CECR2: variants seen among roughly 807,000 people sequenced by gnomAD.
CECR2 encodes chromatin remodeling regulator CECR2.
A neutral mutation model predicts 154.5 loss-of-function variants in CECR2; 30 were observed. That is an observed-to-expected ratio of 0.19 (90% confidence interval 0.15 to 0.26). CECR2 has a LOEUF of 0.26. Among genes scored for constraint, CECR2 ranks in the 10% least tolerant of loss-of-function variants. The pLI is 1.00. For synonymous variants in CECR2, 725 were observed against 683.7 expected (o/e 1.06, Z -0.94); for missense variants, 1,743 against 1,829.3 (o/e 0.95, Z 0.86).
chr22:17,497,700 C>G (rs1325431663), intron 3 of CECR2, 114 bp downstream of exon 3: 28 of 985,074 alleles, frequency 2.8e-5, no homozygotes, highest in Non-Finnish European at 3.9e-5. Context: ...TGGTACTAGT[C>G]TTGGTACTAT....
intron 1 of CECR2, among the ~76,000 whole-genome samples, chr22:17,360,192 C>T (rs1392035905): frequency 6.6e-6 from 1 of 152,228 alleles, no homozygotes; most frequent in Non-Finnish European, 1.5e-5. Flanking sequence ...TAAACATAAT[C>T]TTAAAATGCG....
intron 10 of CECR2, 99 bp downstream of exon 10, chr22:17,537,331 GGTA>G (rs2056452771): frequency 7.2e-7 from 1 of 1,388,550 alleles, no homozygotes; most frequent in Non-Finnish European, 1.0e-6. Context: ...AGCCCTGTTG[GGTA>G]ACATGGTCAC....
At chr22:17,387,189 A>C (rs1015507924) in intron 1 of CECR2, among the ~76,000 whole-genome samples, 1 of 152,226 alleles carries the variant, frequency 6.6e-6, no homozygotes, top group Non-Finnish European at 1.5e-5. Context: ...TTACAGCTCA[A>C]CAGAAAGCCT....
In CECR2 at chr22:17,542,363, G is replaced by T. The variant is rs41277562; in HGVS notation, c.2220G>T (p.Gly740=). The change falls in exon 16 of 19, where the codon GGG becomes GGT. Residue 740 remains glycine (G), a synonymous_variant. Coordinates refer to ENST00000262608, the MANE Select transcript of CECR2 (RefSeq NM_001290047.2). Reference sequence around the variant, plus strand: ...GATTCATTCCTCCCCGGCATGGGGGGGCTCCAGCCCGGCCACCAGACTTTC... The same window carrying T: ...GATTCATTCCTCCCCGGCATGGGGGTGCTCCAGCCCGGCCACCAGACTTTC... ...QPGFIPPRHG[G]APARPPDFPE... The T allele has an allele frequency of 6.4e-4, 1,032 of 1,613,808 alleles. 3 individuals are homozygous for T. The highest frequency in any genetic ancestry group is 1.3e-3 in the Middle Eastern group (8 of 6,062).
Position 17,369,810 on chromosome 22 carries a change from C to G in CECR2, c.27C>G (p.Ala9=), listed in dbSNP as rs2063032900. 6.6e-6 allele frequency: 1 copy of G among 150,928 alleles called. No individual in the cohort carries two copies. The highest frequency in any genetic ancestry group is 2.4e-5 in the African/African-American group (1 of 41,300). The allele number at this position is 150,928 out of a possible 1,614,324, so 9.3% of individuals were successfully genotyped here. The change falls in exon 1 of 19, where the codon GCC becomes GCG. Residue 9 remains alanine (A), a synonymous_variant. Transcript: ENST00000262608. The part of the protein sequence containing the change: MCPEEGGA[A]GLGELRSWWE... Reference sequence around the variant, plus strand: ...TGTGCCCAGAGGAGGGCGGCGCGGCCGGGCTGGGCGAGCTCCGCTCCTGGT... The same window carrying G: ...TGTGCCCAGAGGAGGGCGGCGCGGCGGGGCTGGGCGAGCTCCGCTCCTGGT...
intron 2 of CECR2, among the ~76,000 whole-genome samples, chr22:17,478,084 T>C (rs1601423516): frequency 6.6e-6 from 1 of 151,620 alleles, no homozygotes; most frequent in African/African-American, 2.4e-5. Flanking sequence ...GCAGCACTGA[T>C]GTAATAAAAA....
chr22:17,406,190 A>G (rs1311161944), intron 1 of CECR2, among the ~76,000 whole-genome samples: 1 of 151,902 alleles, frequency 6.6e-6, no homozygotes, highest in Non-Finnish European at 1.5e-5. Flanking sequence ...GGCCCAGAAT[A>G]TGGTGTCTTT....
chr22:17,552,773 A>AGTTTTTT (rs1474229565), intron 18 of CECR2, 62 bp from the exon 19 acceptor site: 7 of 395,822 alleles, frequency 1.8e-5, no homozygotes, highest in Non-Finnish European at 2.6e-5. Flanking sequence ...GGCTTACTTA[A>AGTTTTTT]GTTTTTTTTT....
chr22:17,462,614 A>C (rs1307092244), intron 1 of CECR2, among the ~76,000 whole-genome samples: 1 of 151,930 alleles, frequency 6.6e-6, no homozygotes, highest in Non-Finnish European at 1.5e-5. Context: ...AGTTTAGGTC[A>C]TCAAAACCTG....
At chr22:17,457,137 C>G (rs1403597486) in intron 1 of CECR2, among the ~76,000 whole-genome samples, 7 of 152,260 alleles carry the variant, frequency 4.6e-5, no homozygotes, top group African/African-American at 9.6e-5. Context: ...AAGCGATTCT[C>G]CTGTCTCAAC....
At position 17,548,817 on chromosome 22, in the gene CECR2, G is replaced by A. The variant is rs200418423; in HGVS notation, c.3530G>A (p.Arg1177His). The change falls in exon 17 of 19, where the codon CGC becomes CAC. Residue 1177 changes from arginine to histidine, a missense_variant. Arg to His is a conservative substitution (Grantham distance 29). Coordinates refer to ENST00000262608, the MANE Select transcript of CECR2 (RefSeq NM_001290047.2). ...HPHSGGFPRY[R>H]PPQGMRYSYH... ...CATTCTGGAGGCTTTCCCCGGTATC[G>A]CCCCCCACAAGGAATGAGGTATTCC... 3,378 of 1,613,414 alleles carry A rather than the reference G, an allele frequency of 2.1e-3. 50 individuals carry two copies. In the South Asian group the frequency reaches 0.027, roughly 13 times the overall value.
intron 2 of CECR2, among the ~76,000 whole-genome samples, chr22:17,491,489 T>C (rs926429105): frequency 1.3e-5 from 2 of 151,460 alleles, no homozygotes; most frequent in Non-Finnish European, 2.9e-5. Flanking sequence ...GTTCCTTTGT[T>C]GGTCCTTTAA....
At chr22:17,439,960 G>A (rs2054559604) in intron 1 of CECR2, among the ~76,000 whole-genome samples, 1 of 151,948 alleles carries the variant, frequency 6.6e-6, no homozygotes, top group South Asian at 2.1e-4. Flanking sequence ...ATTTGCACAA[G>A]ATAGAAAATG....
intron 1 of CECR2, among the ~76,000 whole-genome samples, chr22:17,375,194 A>G (rs1454943384): frequency 6.6e-6 from 1 of 151,430 alleles, no homozygotes; most frequent in East Asian, 2.0e-4. Context: ...GCTCACTGCA[A>G]CCTCCACCTC....
intron 1 of CECR2, among the ~76,000 whole-genome samples, chr22:17,469,413 G>C (rs1376967810): frequency 2.6e-5 from 4 of 152,238 alleles, no homozygotes; most frequent in African/African-American, 9.6e-5. Context: ...GAATTAGAAG[G>C]GGAAGAATTA....
Position 17,548,986 on chromosome 22 carries a change from A to G in CECR2, c.3699A>G (p.Pro1233=). 1 of 1,613,838 alleles carries G rather than the reference A, an allele frequency of 6.2e-7. No homozygotes were observed. The change falls in exon 17 of 19, where the codon CCA becomes CCG. Residue 1233 remains proline, a synonymous_variant. Coordinates refer to ENST00000262608, the MANE Select transcript of CECR2 (RefSeq NM_001290047.2). The part of the protein sequence containing the change: ...SGPPASQPPP[P]RSLFSDKNAM... Reference sequence around the variant, plus strand: ...CCCCAGCCAGTCAGCCTCCCCCACCAAGGTCCCTCTTCTCAGATAAGAATG... The same window carrying G: ...CCCCAGCCAGTCAGCCTCCCCCACCGAGGTCCCTCTTCTCAGATAAGAATG...
At chr22:17,480,965 G>A (rs1479045173) in intron 2 of CECR2, among the ~76,000 whole-genome samples, 14 of 150,908 alleles carry the variant, frequency 9.3e-5, no homozygotes, top group Admixed American at 2.7e-4. Flanking sequence ...GCTTCAACCC[G>A]GGAGGCGGAG....
At chr22:17,468,632 C>T (rs981926181) in intron 1 of CECR2, among the ~76,000 whole-genome samples, 7 of 151,972 alleles carry the variant, frequency 4.6e-5, no homozygotes, top group African/African-American at 1.7e-4. Context: ...GAGATCATAC[C>T]ACTGCATTTC....
At chr22:17,435,922 T>C (rs2054499753) in intron 1 of CECR2, among the ~76,000 whole-genome samples, 1 of 152,082 alleles carries the variant, frequency 6.6e-6, no homozygotes, top group Non-Finnish European at 1.5e-5. Context: ...TTTGAAACTT[T>C]AGTTTCTTTC....
Sources: allele counts gnomAD v4.1 joint callset (sites outside exome capture counted in the v4.1 genomes callset), GRCh38; gene constraint gnomAD v4.1.1; transcripts MANE v1.5; gene names NCBI Gene and HGNC (gene_info 2026-07-23, HGNC 2026-07-21).